Variants in THSD4 observed in about 807,000 individuals in gnomAD.
THSD4 encodes thrombospondin type 1 domain containing 4, also known as thrombospondin type-1 domain-containing protein 4.
In THSD4, 69 loss-of-function variants were observed where a neutral mutation model predicts 119.0. That is an observed-to-expected ratio of 0.58 (90% CI 0.48 to 0.71). THSD4 has a LOEUF of 0.71. THSD4 is among the 30% of genes least tolerant of loss of function. The pLI is 0.00. For missense variants in THSD4, 1,393 were observed against 1,391.1 expected (o/e 1.00, Z -0.02); for synonymous variants, 524 against 540.4 (o/e 0.97, Z 0.42).
chr15:71,345,373 C>A, intron 6 of THSD4, among the ~76,000 whole-genome samples: 1 of 151,948 alleles, frequency 6.6e-6, no homozygotes, highest in East Asian at 1.9e-4. Context: ...CCAAAGGCAC[C>A]CCGGGCTGCC....
chr15:71,172,611 A>G (rs2043380245), intron 3 of THSD4, among the ~76,000 whole-genome samples: 1 of 137,886 alleles, frequency 7.3e-6, no homozygotes, highest in African/African-American at 2.6e-5. Flanking sequence ...AGTAATCAAG[A>G]TAGCATGTTA....
intron 7 of THSD4, among the ~76,000 whole-genome samples, chr15:71,513,426 A>G (rs1457815078): frequency 1.3e-5 from 2 of 152,222 alleles, no homozygotes; most frequent in Non-Finnish European, 2.9e-5. Context: ...AAGACTAACA[A>G]CTTAATAAAA....
At chr15:71,612,616 T>A (rs2050250943) in intron 7 of THSD4, among the ~76,000 whole-genome samples, 1 of 152,184 alleles carries the variant, frequency 6.6e-6, no homozygotes, top group African/African-American at 2.4e-5. Context: ...CTGCTTAAAC[T>A]TTTGACACAT....
At chr15:71,457,679 C>A (rs939863441) in intron 7 of THSD4, among the ~76,000 whole-genome samples, 9 of 152,182 alleles carry the variant, frequency 5.9e-5, no homozygotes, top group African/African-American at 2.2e-4. Context: ...CTCACTCATT[C>A]ACTTCTTCGA....
intron 1 of THSD4, among the ~76,000 whole-genome samples, chr15:71,098,139 G>A (rs1348434540): frequency 6.6e-6 from 1 of 151,012 alleles, no homozygotes; most frequent in East Asian, 1.9e-4. Flanking sequence ...GTGAGCTGCG[G>A]AACAGTTCTT....
intron 6 of THSD4, among the ~76,000 whole-genome samples, chr15:71,365,824 CTT>C (rs1448270751): frequency 3.9e-5 from 6 of 152,140 alleles, no homozygotes; most frequent in Non-Finnish European, 7.4e-5. Flanking sequence ...AGTCTCATGA[CTT>C]TTTTGATCAC....
intron 2 of THSD4, among the ~76,000 whole-genome samples, chr15:71,143,259 T>G (rs568273605): frequency 6.6e-6 from 1 of 152,286 alleles, no homozygotes; most frequent in South Asian, 2.1e-4. Flanking sequence ...TAGTACAAAT[T>G]AGCATGTGTG....
At chr15:71,609,725 G>A (rs1314225963) in intron 7 of THSD4, among the ~76,000 whole-genome samples, 4 of 151,844 alleles carry the variant, frequency 2.6e-5, no homozygotes, top group African/African-American at 2.4e-5. Flanking sequence ...GGTGGCAGGC[G>A]CCTATAGTCC....
In THSD4 at chr15:71,277,128, C is replaced by CTTTTTTTTTTTTTTTTTTTTTTTTTTTT. The variant is rs779207517; in HGVS notation, c.1015+20427_1015+20428insTTTTTTTTTTTTTTTTTTTTTTTTTTTT. 1.6e-5 allele frequency among the ~76,000 whole-genome samples: 2 copies of CTTTTTTTTTTTTTTTTTTTTTTTTTTTT among 123,020 alleles called. 1 individual carries two copies. The highest frequency in any genetic ancestry group is 6.7e-5 in the African/African-American group (2 of 29,732). The allele number at this position is 123,020 out of a possible 152,430, so 80.7% of individuals were successfully genotyped here. A position where few individuals can be genotyped will look rare whatever the true frequency, so the allele number is the denominator to read the frequency against. ...TATTTGTATTTGAATTCTTCTTCTT[C>CTTTTTTTTTTTTTTTTTTTTTTTTTTTT]TTTTTTTTTTTTTTGAAACGGAGTT... On this transcript the variant is annotated intron_variant, in intron 6 of 17. Coordinates refer to ENST00000261862, the MANE Select transcript of THSD4 (RefSeq NM_024817.3).
chr15:71,402,544 AG>A (rs1304251880), intron 6 of THSD4, among the ~76,000 whole-genome samples: 1 of 152,178 alleles, frequency 6.6e-6, no homozygotes, highest in East Asian at 1.9e-4. Context: ...GCTGTGATGC[AG>A]TCACACCAAG....
At chr15:71,450,171 C>T (rs998274269) in intron 7 of THSD4, among the ~76,000 whole-genome samples, 5 of 152,106 alleles carry the variant, frequency 3.3e-5, no homozygotes, top group East Asian at 1.9e-4. Context: ...TTCACTAACC[C>T]GCTGCGCCTT....
intron 6 of THSD4, among the ~76,000 whole-genome samples, chr15:71,345,752 A>G (rs1263610680): frequency 6.6e-6 from 1 of 150,812 alleles, no homozygotes; most frequent in Non-Finnish European, 1.5e-5. Flanking sequence ...ACATTCCGTT[A>G]GAGTGCCTTC....
chr15:71,592,391 A>G (rs1182964378), intron 7 of THSD4, among the ~76,000 whole-genome samples: 7 of 152,188 alleles, frequency 4.6e-5, no homozygotes, highest in Non-Finnish European at 1.0e-4. Flanking sequence ...GCACAGCCAC[A>G]TGGCCCTGCC....
intron 7 of THSD4, among the ~76,000 whole-genome samples, chr15:71,531,456 G>A (rs1229198692): frequency 6.6e-6 from 1 of 152,126 alleles, no homozygotes; most frequent in Non-Finnish European, 1.5e-5. Flanking sequence ...GATAGAAGTG[G>A]GTGAATTCAA....
intron 7 of THSD4, among the ~76,000 whole-genome samples, chr15:71,613,060 T>C (rs2050258482): frequency 6.6e-6 from 1 of 152,218 alleles, no homozygotes; most frequent in Non-Finnish European, 1.5e-5. Context: ...CCTTGACTTA[T>C]GGAAAAGCAA....
chr15:71,374,250 G>A (rs1299338952), intron 6 of THSD4, among the ~76,000 whole-genome samples: 1 of 152,184 alleles, frequency 6.6e-6, no homozygotes, highest in East Asian at 1.9e-4. Context: ...AAAGCACTCA[G>A]TTCATTTTCT....
chr15:71,747,979 A>G (rs1302032196), intron 13 of THSD4, among the ~76,000 whole-genome samples: 1 of 152,172 alleles, frequency 6.6e-6, no homozygotes, highest in Non-Finnish European at 1.5e-5. Context: ...GGTCCTGTTT[A>G]TAATTTGGTA....
chr15:71,768,226 A>G (rs561699665), intron 16 of THSD4, among the ~76,000 whole-genome samples: 98 of 152,240 alleles, frequency 6.4e-4, no homozygotes, highest in African/African-American at 2.0e-3. Context: ...AGTGGCCACT[A>G]ACATCCCCAA....
intron 6 of THSD4, among the ~76,000 whole-genome samples, chr15:71,290,460 CT>C (rs1178124941): frequency 6.6e-6 from 1 of 151,950 alleles, no homozygotes; most frequent in Admixed American, 6.6e-5. Context: ...CTGTTAGTGT[CT>C]CTTTGGGATC....
Sources: allele counts gnomAD v4.1 joint callset (sites outside exome capture counted in the v4.1 genomes callset), GRCh38; gene constraint gnomAD v4.1.1; transcripts MANE v1.5; gene names NCBI Gene and HGNC (gene_info 2026-07-23, HGNC 2026-07-21).